Variants in SEMA5A observed in about 807,000 individuals in gnomAD.
SEMA5A encodes semaphorin-5A.
Under a neutral mutation model 135.5 loss-of-function variants are expected in SEMA5A, and 55 were observed. The ratio of observed to expected loss-of-function variants is 0.41; its 90% CI spans 0.33 to 0.51. SEMA5A has a LOEUF of 0.51. Among genes scored for constraint, SEMA5A ranks in the 20% least tolerant of loss-of-function variants. The pLI is 0.37. For synonymous variants in SEMA5A, 580 were observed against 546.5 expected (o/e 1.06, Z -0.85); for missense variants, 1,290 against 1,419.9 (o/e 0.91, Z 1.47).
intron 7 of SEMA5A, among the ~76,000 whole-genome samples, chr5:9,225,513 G>A (rs375390028): frequency 4.6e-4 from 68 of 148,348 alleles, no homozygotes; most frequent in East Asian, 9.9e-4. Context: ...ATGTTGCAGC[G>A]AGCCAAAATC....
chr5:9,489,949 G>T (rs2126797556), intron 1 of SEMA5A, among the ~76,000 whole-genome samples: 1 of 152,174 alleles, frequency 6.6e-6, no homozygotes, highest in South Asian at 2.1e-4. Context: ...TTTTCTTCTT[G>T]CTATGTGATT....
chr5:9,242,760 AT>A lies in SEMA5A; in HGVS notation c.271-4871del. ...CATACCTTCTCTACCCCAATAACATATGGGAAAATAAATTTTTTTTTAAATG... is the reference window on the plus strand; with the variant it reads ...CATACCTTCTCTACCCCAATAACATAGGGAAAATAAATTTTTTTTTAAATG... On this transcript the variant is annotated intron_variant, in intron 5 of 22. Transcript: ENST00000382496. Among the ~76,000 whole-genome samples, 2 of 152,260 alleles carry A rather than the reference AT, an allele frequency of 1.3e-5. 1 individual carries two copies. The highest frequency in any genetic ancestry group is 4.1e-4 in the South Asian group (2 of 4,824).
chr5:9,266,204 C>T (rs1749676736), intron 5 of SEMA5A, among the ~76,000 whole-genome samples: 1 of 152,194 alleles, frequency 6.6e-6, no homozygotes, highest in Non-Finnish European at 1.5e-5. Flanking sequence ...AGAGAACAGT[C>T]TATCCATGGT....
At chr5:9,122,298 C>T (rs1740854012) in intron 14 of SEMA5A, among the ~76,000 whole-genome samples, 1 of 152,142 alleles carries the variant, frequency 6.6e-6, no homozygotes, top group African/African-American at 2.4e-5. Flanking sequence ...TTGGCTTCTT[C>T]TACCTCCTAA....
At chr5:9,155,308 A>T (rs899576) in intron 11 of SEMA5A, among the ~76,000 whole-genome samples, 16 of 152,052 alleles carry the variant, frequency 1.1e-4, no homozygotes, top group African/African-American at 3.6e-4. Context: ...TCTGAGTATT[A>T]ATTTCTGGCC....
chr5:9,517,254 A>C (rs540226113), intron 1 of SEMA5A: 1 of 152,368 alleles, frequency 6.6e-6, no homozygotes, highest in East Asian at 1.9e-4. Context: ...TTTCTAAAGA[A>C]CCATAAATTA....
chr5:9,179,612 T>C (rs1744393317), intron 11 of SEMA5A, among the ~76,000 whole-genome samples: 3 of 152,222 alleles, frequency 2.0e-5, no homozygotes, highest in Admixed American at 2.0e-4. Context: ...ATACAAGAAC[T>C]AATGCTCCCA....
intron 1 of SEMA5A, among the ~76,000 whole-genome samples, chr5:9,521,188 T>C (rs1736805756): frequency 6.6e-6 from 1 of 152,142 alleles, no homozygotes; most frequent in Admixed American, 6.5e-5. Context: ...GGCAGGCAGA[T>C]CATTTGAGGT....
chr5:9,094,150 G>T (rs1739192945), intron 16 of SEMA5A, among the ~76,000 whole-genome samples: 2 of 152,124 alleles, frequency 1.3e-5, no homozygotes, highest in South Asian at 4.1e-4. Context: ...ATCTACATGG[G>T]TTCCCTTGCA....
At position 9,204,748 on chromosome 5, in the gene SEMA5A, T is replaced by C. The variant is rs1288502668; in HGVS notation, c.647-2508A>G. Among the ~76,000 whole-genome samples the C allele has an allele frequency of 6.6e-6, 1 of 152,156 alleles. No homozygotes were observed. The highest frequency in any genetic ancestry group is 1.9e-4 in the East Asian group (1 of 5,184). ...CACCAACCCCCAGGACATGGACCAG[T>C]ACCAGTCCATGGCCTGTTAGGAGTC... On this transcript the variant is annotated intron_variant, in intron 8 of 22. Transcript: ENST00000382496. This position sits in a 1 kb window ranked among gnomAD's most constrained non-coding sequence, Gnocchi z 6.4.
intron 3 of SEMA5A, among the ~76,000 whole-genome samples, chr5:9,377,874 C>T (rs954397857): frequency 2.6e-5 from 4 of 151,964 alleles, no homozygotes; most frequent in African/African-American, 9.7e-5. Flanking sequence ...GAGTGATTCC[C>T]AGGTCTGTGG....
At chr5:9,326,578 G>C (rs979735319) in intron 4 of SEMA5A, among the ~76,000 whole-genome samples, 1 of 151,848 alleles carries the variant, frequency 6.6e-6, no homozygotes, top group Non-Finnish European at 1.5e-5. Flanking sequence ...TCAGTAGTTC[G>C]AGACTAGCCT....
chr5:9,471,029 G>A (rs1392999906), intron 1 of SEMA5A, among the ~76,000 whole-genome samples: 1 of 152,154 alleles, frequency 6.6e-6, no homozygotes, highest in Non-Finnish European at 1.5e-5. Context: ...AGAGTAGGTA[G>A]CTGAAAAGAA....
At chr5:9,363,636 T>C (rs2126393141) in intron 3 of SEMA5A, among the ~76,000 whole-genome samples, 1 of 152,210 alleles carries the variant, frequency 6.6e-6, no homozygotes, top group South Asian at 2.1e-4. Context: ...TCACTTGGAG[T>C]GTGAAATTCT....
rs1735803821 is a variant in SEMA5A, at chr5:9,038,892, T to TAATA, written c.*4001_*4004dup. On this transcript the variant is annotated 3_prime_UTR_variant, in exon 23 of 23. Coordinates refer to ENST00000382496, the MANE Select transcript of SEMA5A (RefSeq NM_003966.3). ...ACAGGCACGCACCACGATGGCTGGC[T>TAATA]AATATTTTGTATATTTTGTAGAGAT... 6.6e-6 allele frequency: 1 copy of TAATA among 151,928 alleles called. No individual in the cohort carries two copies. The highest frequency in any genetic ancestry group is 1.5e-5 in the Non-Finnish European group (1 of 68,062). 9.4% of individuals were successfully genotyped at this position (151,928 alleles called of 1,614,324 possible). A position where few individuals can be genotyped will look rare whatever the true frequency, so the allele number is the denominator to read the frequency against.
At chr5:9,234,631 T>C (rs1747804812) in intron 6 of SEMA5A, among the ~76,000 whole-genome samples, 1 of 152,164 alleles carries the variant, frequency 6.6e-6, no homozygotes, top group South Asian at 2.1e-4. Flanking sequence ...AAAGAACGTG[T>C]GATTTATCTT....
intron 3 of SEMA5A, among the ~76,000 whole-genome samples, chr5:9,356,773 A>C (rs1579404597): frequency 6.6e-6 from 1 of 152,334 alleles, no homozygotes; most frequent in Admixed American, 6.5e-5. Context: ...TGTCATGACA[A>C]GCAGCTCTGT....
At chr5:9,135,997 C>T (rs929530923) in intron 13 of SEMA5A, among the ~76,000 whole-genome samples, 1 of 152,178 alleles carries the variant, frequency 6.6e-6, no homozygotes, top group Non-Finnish European at 1.5e-5. Context: ...TATGGGAACG[C>T]ACACTAGGCG....
At chr5:9,540,433 C>CAAAA (rs11398489) in intron 1 of SEMA5A, among the ~76,000 whole-genome samples, 10 of 144,606 alleles carry the variant, frequency 6.9e-5, no homozygotes, top group Admixed American at 6.9e-5. Context: ...ACTAAAAATT[C>CAAAA]AAAAAAAAAA....
Sources: gnomAD v4.1 joint callset for allele counts (sites outside exome capture counted in the v4.1 genomes callset) on GRCh38, gnomAD v4.1.1 for gene constraint, Gnocchi (gnomAD v3.1) non-coding constraint, MANE v1.5 for transcripts, NCBI Gene and HGNC (gene_info 2026-07-23, HGNC 2026-07-21) for gene names.